POU6F2: variants seen among roughly 807,000 people sequenced by gnomAD.
POU6F2 encodes POU domain, class 6, transcription factor 2.
In POU6F2, 31 loss-of-function variants were observed where a neutral mutation model predicts 71.3. That is an observed-to-expected ratio of 0.43 (90% CI 0.33 to 0.59). The LOEUF is 0.59. POU6F2 is among the 20% of genes least tolerant of loss of function. The pLI is 0.04. For synonymous variants in POU6F2, 347 were observed against 355.7 expected, an observed-to-expected ratio of 0.98 and a Z score of 0.27; for missense variants, 783 against 856.8, an observed-to-expected ratio of 0.91 and a Z score of 1.07.
At chr7:39,413,688 A>G (rs1344715231) in intron 6 of POU6F2, among the ~76,000 whole-genome samples, 1 of 152,178 alleles carries the variant, frequency 6.6e-6, no homozygotes, top group Non-Finnish European at 1.5e-5. Flanking sequence ...TTTTTAATCG[A>G]ATAACATTTC....
chr7:39,021,468 G>A (rs1253437624), intron 1 of POU6F2, among the ~76,000 whole-genome samples: 1 of 151,750 alleles, frequency 6.6e-6, no homozygotes, highest in Non-Finnish European at 1.5e-5. Flanking sequence ...CACCCCATTT[G>A]CCATATTTTA....
intron 2 of POU6F2, among the ~76,000 whole-genome samples, chr7:39,157,992 G>A (rs532521258): frequency 3.3e-5 from 5 of 152,250 alleles, no homozygotes; most frequent in South Asian, 4.1e-4. Context: ...CATTCAGGAA[G>A]GCATGCTACA....
chr7:39,019,201 T>G (rs1003031219), intron 1 of POU6F2, among the ~76,000 whole-genome samples: 1 of 152,178 alleles, frequency 6.6e-6, no homozygotes, highest in African/African-American at 2.4e-5. Flanking sequence ...TCTCTACTCT[T>G]GATTGATAGC....
chr7:39,104,066 C>T (rs1791627394), intron 2 of POU6F2, among the ~76,000 whole-genome samples: 1 of 152,216 alleles, frequency 6.6e-6, no homozygotes, highest in African/African-American at 2.4e-5. Flanking sequence ...ACTAGATAGG[C>T]TCGAAATTCT....
At chr7:39,092,935 A>T (rs1030850845) in intron 2 of POU6F2, among the ~76,000 whole-genome samples, 3 of 152,160 alleles carry the variant, frequency 2.0e-5, no homozygotes, top group African/African-American at 7.2e-5. Flanking sequence ...ATAATTTTTT[A>T]AAACTACCTA....
intron 1 of POU6F2, among the ~76,000 whole-genome samples, chr7:38,995,959 A>G (rs979317299): frequency 6.6e-6 from 1 of 151,568 alleles, no homozygotes; most frequent in Non-Finnish European, 1.5e-5. Context: ...AAGAAATGGA[A>G]GTGCTCATCC....
At chr7:39,292,042 A>T (rs1208543153) in intron 4 of POU6F2, among the ~76,000 whole-genome samples, 3 of 152,060 alleles carry the variant, frequency 2.0e-5, no homozygotes, top group African/African-American at 7.2e-5. Context: ...AGGGGGAAAA[A>T]AACTGAGAAG....
chr7:39,063,616 C>T (rs1183032901), intron 1 of POU6F2, among the ~76,000 whole-genome samples: 3 of 151,996 alleles, frequency 2.0e-5, no homozygotes, highest in African/African-American at 7.2e-5. Flanking sequence ...GAATTTAAAG[C>T]AATGTTAAAT....
chr7:38,987,893 G>T (rs1328102803), intron 1 of POU6F2, among the ~76,000 whole-genome samples: 3 of 152,108 alleles, frequency 2.0e-5, no homozygotes, highest in Non-Finnish European at 4.4e-5. Flanking sequence ...TGAGCCTATG[G>T]AACTGTCCAT....
At chr7:39,037,083 A>T (rs1168107436) in intron 1 of POU6F2, among the ~76,000 whole-genome samples, 1 of 151,988 alleles carries the variant, frequency 6.6e-6, no homozygotes, top group Non-Finnish European at 1.5e-5. Context: ...TGAGAGACTC[A>T]GTTGCTGTTT....
intron 1 of POU6F2, chr7:39,085,621 T>A: frequency 2.8e-6 from 1 of 357,362 alleles, no homozygotes; most frequent in Non-Finnish European, 5.1e-6. Context: ...ATCTCTCACA[T>A]GCTAGTTGAG....
At chr7:39,159,842 G>C (rs576782615) in intron 2 of POU6F2, among the ~76,000 whole-genome samples, 1 of 152,242 alleles carries the variant, frequency 6.6e-6, no homozygotes, top group South Asian at 2.1e-4. Context: ...AAGGAGAAGG[G>C]AAGTGAGGCC....
chr7:39,264,137 G>A (rs899419161), intron 4 of POU6F2, among the ~76,000 whole-genome samples: 1 of 152,308 alleles, frequency 6.6e-6, no homozygotes, highest in Admixed American at 6.5e-5. Flanking sequence ...CTGACTTCCA[G>A]CGTCTGAGCC....
chr7:39,284,221 T>G (rs755362049), intron 4 of POU6F2, among the ~76,000 whole-genome samples: 1 of 152,232 alleles, frequency 6.6e-6, no homozygotes, highest in African/African-American at 2.4e-5. Flanking sequence ...TTAACACATC[T>G]CAGGCTGGGC....
intron 1 of POU6F2, among the ~76,000 whole-genome samples, chr7:39,016,670 G>T (rs976640361): frequency 4.6e-5 from 7 of 152,086 alleles, no homozygotes; most frequent in Non-Finnish European, 8.8e-5. Context: ...TGGTATGAAA[G>T]CTCATCACAC....
At chr7:39,388,229 G>A (rs75596971) in intron 5 of POU6F2, among the ~76,000 whole-genome samples, 251 of 152,270 alleles carry the variant, frequency 1.6e-3, no homozygotes, top group African/African-American at 5.9e-3. Context: ...TTCAGTAGGC[G>A]TCATCACAGT....
At chr7:39,293,443 A>C (rs1188802893) in intron 4 of POU6F2, among the ~76,000 whole-genome samples, 1 of 152,240 alleles carries the variant, frequency 6.6e-6, no homozygotes, top group Non-Finnish European at 1.5e-5. Flanking sequence ...TCATATAATA[A>C]GGCCGCTTGG....
intron 7 of POU6F2, among the ~76,000 whole-genome samples, chr7:39,443,625 A>G (rs1788460134): frequency 6.6e-6 from 1 of 152,228 alleles, no homozygotes; most frequent in Admixed American, 6.5e-5. Flanking sequence ...AGTTGGGCAA[A>G]TTGACAGGAG....
chr7:39,256,398 A>G (rs1346808001), intron 4 of POU6F2, among the ~76,000 whole-genome samples: 1 of 152,154 alleles, frequency 6.6e-6, no homozygotes, highest in East Asian at 1.9e-4. Flanking sequence ...GAGGGACAGT[A>G]CTAATTCTTT....
Sources: allele counts gnomAD v4.1 joint callset (sites outside exome capture counted in the v4.1 genomes callset), GRCh38; gene constraint gnomAD v4.1.1; transcripts MANE v1.5; gene names NCBI Gene and HGNC (gene_info 2026-07-23, HGNC 2026-07-21).